The following SVOP variants were observed in gnomAD, a reference collection of about 807,000 sequenced individuals.
SVOP encodes the protein synaptic vesicle 2-related protein.
In SVOP, 17 loss-of-function variants were observed where a neutral mutation model predicts 69.1. The ratio of observed to expected loss-of-function variants is 0.25; its 90% CI spans 0.17 to 0.37. The LOEUF (loss-of-function observed/expected upper bound fraction) is 0.37, where lower values mean the gene tolerates loss of function less well. SVOP is among the 10% of genes least tolerant of loss of function. The pLI is 1.00. For synonymous variants in SVOP, 238 were observed against 238.6 expected (o/e 1.00, Z 0.02); for missense variants, 435 against 597.5 (o/e 0.73, Z 2.84).
At chr12:108,975,123 T>C (rs1003045937) in intron 4 of SVOP, among the ~76,000 whole-genome samples, 3 of 152,246 alleles carry the variant, frequency 2.0e-5, no homozygotes, top group African/African-American at 7.2e-5. Context: ...GCCTTTGTTA[T>C]GTGCTAAGTG....
chr12:109,015,074 G>A (rs2040360608), intron 1 of SVOP, among the ~76,000 whole-genome samples: 1 of 152,138 alleles, frequency 6.6e-6, no homozygotes, highest in Non-Finnish European at 1.5e-5. Flanking sequence ...ATATGAGAGG[G>A]CTGCAAATTT....
rs2039885399 is a variant in SVOP, at chr12:108,940,722, A to G, written c.768+62T>C. ...TATCCTTCCCTATCCCCTCCCCACC[A>G]AAATAGAGTGGACAGTAAGATGTCA... On this transcript the variant is annotated intron_variant, in intron 8 of 15. Transcript: ENST00000610966. The G allele has an allele frequency of 5.9e-6, 9 of 1,515,684 alleles. No individual in the cohort carries two copies. The Middle Eastern group carries it at 5.1e-4, about 85-fold the overall frequency. The allele number at this position is 1,515,684 out of a possible 1,614,324, so 93.9% of individuals were successfully genotyped here.
chr12:108,964,246 A>C (rs2040032951), intron 5 of SVOP, among the ~76,000 whole-genome samples: 1 of 152,132 alleles, frequency 6.6e-6, no homozygotes, highest in African/African-American at 2.4e-5. Context: ...TACATAAGAT[A>C]ATAGGTGGCA....
rs1186407040 is a variant in SVOP, at chr12:108,909,692, G to A, written c.*2843C>T. On this transcript the variant is annotated 3_prime_UTR_variant, in exon 16 of 16. Transcript: ENST00000610966. ...GTTTTTCAGAATACTTGAAGTACGA[G>A]AAAAACAGAAATATATAGCTCTGGC... The A allele has an allele frequency of 6.6e-6, 1 of 152,120 alleles. No homozygotes were observed. Among genetic ancestry groups the A allele is most frequent in the Non-Finnish European group, 1.5e-5 (1 of 68,014 alleles). 9.4% of individuals were successfully genotyped at this position (152,120 alleles called of 1,614,324 possible). A position where few individuals can be genotyped will look rare whatever the true frequency, so the allele number is the denominator to read the frequency against.
intron 11 of SVOP, among the ~76,000 whole-genome samples, chr12:108,925,324 C>T (rs1396900931): frequency 3.9e-5 from 6 of 152,182 alleles, no homozygotes; most frequent in Admixed American, 2.0e-4. Flanking sequence ...TTTACCGTGC[C>T]GGGGGAGGTT....
At chr12:108,975,882 G>A in intron 4 of SVOP, among the ~76,000 whole-genome samples, 1 of 151,934 alleles carries the variant, frequency 6.6e-6, no homozygotes, top group South Asian at 2.1e-4. Flanking sequence ...TGTATTTTTG[G>A]TAGAGACGGG....
intron 1 of SVOP, among the ~76,000 whole-genome samples, chr12:109,004,410 CTTT>C (rs34124314): frequency 4.2e-5 from 5 of 120,388 alleles, no homozygotes; most frequent in Admixed American, 9.4e-5. Flanking sequence ...GGTATTGCTA[CTTT>C]TTTTTTTTTT....
intron 12 of SVOP, among the ~76,000 whole-genome samples, chr12:108,920,010 C>T (rs866687248): frequency 2.0e-5 from 3 of 152,330 alleles, no homozygotes; most frequent in African/African-American, 7.2e-5. Flanking sequence ...TGGCCCTTCT[C>T]ATATATTTGC....
Position 108,982,494 on chromosome 12 carries a change from T to C in SVOP, c.196+1107A>G, listed in dbSNP as rs908506031. On this transcript the variant is annotated intron_variant, in intron 2 of 15. Coordinates refer to ENST00000610966, the MANE Select transcript of SVOP (RefSeq NM_018711.5). ...ATCATTATCACCACAATCATCATCA[T>C]CACCACCACTATCATCACCATCATC... Among the ~76,000 whole-genome samples, 879 of 148,294 alleles carry C rather than the reference T, an allele frequency of 5.9e-3. 10 individuals carry two copies. Among genetic ancestry groups the C allele is most frequent in the African/African-American group, 0.021 (838 of 39,888 alleles).
intron 9 of SVOP, among the ~76,000 whole-genome samples, chr12:108,938,521 A>G (rs1320051352): frequency 6.6e-6 from 1 of 152,228 alleles, no homozygotes; most frequent in African/African-American, 2.4e-5. Context: ...TCTGTGCTGA[A>G]AGGCGAAACC....
intron 11 of SVOP, 114 bp from the exon 12 acceptor site, chr12:108,922,911 A>G (rs1482416573): frequency 2.8e-6 from 2 of 711,616 alleles, no homozygotes; most frequent in Non-Finnish European, 4.9e-6. Flanking sequence ...CCATAGAAAG[A>G]GCCCAGACTC....
intron 1 of SVOP, among the ~76,000 whole-genome samples, chr12:109,004,757 A>T (rs534106791): frequency 1.3e-5 from 2 of 150,512 alleles, no homozygotes; most frequent in East Asian, 3.9e-4. Context: ...ATTTTATTTT[A>T]GATGGAGTCT....
At chr12:108,994,030 C>T (rs932172531) in intron 1 of SVOP, among the ~76,000 whole-genome samples, 3 of 152,210 alleles carry the variant, frequency 2.0e-5, no homozygotes, top group East Asian at 3.8e-4. Flanking sequence ...GGACCGTCCA[C>T]GGCTCCCTAC....
chr12:108,980,592 TACA>T (rs1293261295), intron 2 of SVOP, among the ~76,000 whole-genome samples: 40,583 of 141,460 alleles, frequency 0.29, 6,458 homozygotes, highest in African/African-American at 0.38. Flanking sequence ...CTACTGAAAA[TACA>T]AAAAATTAGC....
intron 7 of SVOP, among the ~76,000 whole-genome samples, 198 bp from the exon 8 acceptor site, chr12:108,941,107 A>G (rs2039888973): frequency 6.6e-6 from 1 of 152,190 alleles, no homozygotes; most frequent in East Asian, 1.9e-4. Context: ...GGGTACCATT[A>G]TACACTGTAT....
intron 1 of SVOP, among the ~76,000 whole-genome samples, chr12:108,988,245 T>C (rs1225826178): frequency 6.6e-6 from 1 of 152,160 alleles, no homozygotes; most frequent in East Asian, 1.9e-4. Flanking sequence ...AATTTTGATG[T>C]AGCCCGATAT....
At chr12:109,000,087 G>C (rs912898122) in intron 1 of SVOP, among the ~76,000 whole-genome samples, 4 of 152,140 alleles carry the variant, frequency 2.6e-5, no homozygotes, top group Non-Finnish European at 5.9e-5. Context: ...AAGAAAAAAA[G>C]AGAAGAATCA....
At chr12:108,951,048 G>A (rs1269433489) in intron 6 of SVOP, among the ~76,000 whole-genome samples, 1 of 152,188 alleles carries the variant, frequency 6.6e-6, no homozygotes, top group Admixed American at 6.5e-5. Flanking sequence ...CTTGCCATTT[G>A]GATCACGTGT....
chr12:108,943,816 C>T (rs1275029163), intron 7 of SVOP, among the ~76,000 whole-genome samples: 1 of 148,750 alleles, frequency 6.7e-6, no homozygotes, highest in Non-Finnish European at 1.5e-5. Flanking sequence ...TCTCCTCCTC[C>T]TCCTGCTCCT....
Sources: gnomAD v4.1 joint callset for allele counts (sites outside exome capture counted in the v4.1 genomes callset) on GRCh38, gnomAD v4.1.1 for gene constraint, MANE v1.5 for transcripts, NCBI Gene and HGNC (gene_info 2026-07-23, HGNC 2026-07-21) for gene names.